The following MTUS2 variants were observed in gnomAD, a reference collection of about 807,000 sequenced individuals.
The protein encoded by MTUS2 is microtubule associated scaffold protein 2, also known as microtubule-associated tumor suppressor candidate 2.
In MTUS2, 40 loss-of-function variants were observed where a neutral mutation model predicts 114.1. The ratio of observed to expected loss-of-function variants is 0.35; its 90% CI spans 0.27 to 0.46. The LOEUF is 0.46. MTUS2 is among the 20% of genes least tolerant of loss of function. The pLI is 1.00. For synonymous variants in MTUS2, 688 were observed against 672.0 expected (o/e 1.02, Z -0.37); for missense variants, 1,679 against 1,705.4 (o/e 0.98, Z 0.27).
intron 5 of MTUS2, among the ~76,000 whole-genome samples, chr13:29,247,409 G>A (rs958365589): frequency 2.0e-5 from 3 of 152,088 alleles, no homozygotes; most frequent in Non-Finnish European, 4.4e-5. Flanking sequence ...ATAAATAGAT[G>A]GGACTTAAAA....
In MTUS2 at chr13:29,202,518, A is replaced by C. The variant is rs745739935; in HGVS notation, c.2645-79186A>C. Among the ~76,000 whole-genome samples, 96 of 152,202 alleles carry C rather than the reference A, an allele frequency of 6.3e-4. 1 individual carries two copies. The Middle Eastern group carries it at 0.01, about 16-fold the overall frequency. The stretch of plus-strand genomic sequence containing the variant: ...GAAGCCTCCTTCTGTTGGTTTGTCA[A>C]ACTCGTTCTCCATCCAGTTTTGTTC... On this transcript the variant is annotated intron_variant, in intron 5 of 15. Transcript: ENST00000612955.
chr13:29,137,736 C>T (rs1236067268), intron 5 of MTUS2, among the ~76,000 whole-genome samples: 1 of 151,802 alleles, frequency 6.6e-6, no homozygotes, highest in Admixed American at 6.6e-5. Context: ...CCTGTCTCAG[C>T]CTCCCAGGTA....
chr13:29,222,169 T>C (rs1011053221), intron 5 of MTUS2, among the ~76,000 whole-genome samples: 1 of 152,244 alleles, frequency 6.6e-6, no homozygotes, highest in Admixed American at 6.5e-5. Flanking sequence ...TTTATTTAAG[T>C]TTGTCTTTGC....
At chr13:28,992,810 T>C (rs1401051737) in intron 2 of MTUS2, among the ~76,000 whole-genome samples, 1 of 152,198 alleles carries the variant, frequency 6.6e-6, no homozygotes, top group Non-Finnish European at 1.5e-5. Flanking sequence ...ATTAACTACA[T>C]TGAACCATCA....
intron 8 of MTUS2, among the ~76,000 whole-genome samples, chr13:29,399,052 A>G (rs1874128285): frequency 6.6e-6 from 1 of 152,222 alleles, no homozygotes; most frequent in South Asian, 2.1e-4. Flanking sequence ...TGGCTGCTCC[A>G]CAGACAGAGC....
intron 2 of MTUS2, among the ~76,000 whole-genome samples, chr13:28,984,417 G>T (rs1411053746): frequency 6.6e-6 from 1 of 152,066 alleles, no homozygotes; most frequent in African/African-American, 2.4e-5. Flanking sequence ...TCTGCATCTG[G>T]TTTTGATGAG....
intron 5 of MTUS2, among the ~76,000 whole-genome samples, chr13:29,198,419 A>G (rs1894793097): frequency 6.6e-6 from 1 of 152,012 alleles, no homozygotes; most frequent in Admixed American, 6.6e-5. Flanking sequence ...GTTCTGTTCC[A>G]TTGGTCTATA....
intron 5 of MTUS2, among the ~76,000 whole-genome samples, chr13:29,168,991 A>C (rs1251829930): frequency 6.6e-6 from 1 of 151,428 alleles, no homozygotes; most frequent in Non-Finnish European, 1.5e-5. Context: ...TTCACAGCTG[A>C]ATCAGATGTT....
chr13:29,259,584 T>G (rs1333883144), intron 5 of MTUS2, among the ~76,000 whole-genome samples: 1 of 152,238 alleles, frequency 6.6e-6, no homozygotes, highest in African/African-American at 2.4e-5. Flanking sequence ...TTAGCCTGTT[T>G]ATGATAATTG....
At chr13:29,316,811 G>T (rs1309027921) in intron 6 of MTUS2, among the ~76,000 whole-genome samples, 1 of 152,170 alleles carries the variant, frequency 6.6e-6, no homozygotes, top group Non-Finnish European at 1.5e-5. Flanking sequence ...GTCAGGTGAG[G>T]TAACATACAC....
chr13:29,368,591 C>A (rs957557703), intron 8 of MTUS2, among the ~76,000 whole-genome samples: 6 of 152,230 alleles, frequency 3.9e-5, no homozygotes, highest in African/African-American at 1.4e-4. Context: ...ATCAAAATAT[C>A]AGATACACCC....
chr13:29,120,053 T>G (rs929027624), intron 5 of MTUS2, among the ~76,000 whole-genome samples: 31 of 152,144 alleles, frequency 2.0e-4, no homozygotes, highest in African/African-American at 7.2e-4. Flanking sequence ...TATGATAAAT[T>G]TTTTGCCATT....
intron 4 of MTUS2, among the ~76,000 whole-genome samples, chr13:29,058,739 G>C (rs1291746382): frequency 1.5e-5 from 2 of 136,058 alleles, no homozygotes; most frequent in African/African-American, 5.8e-5. Flanking sequence ...ACAGGCCCTG[G>C]TATGTGATGT....
At chr13:29,054,756 C>G (rs1206430638) in intron 4 of MTUS2, among the ~76,000 whole-genome samples, 1 of 151,950 alleles carries the variant, frequency 6.6e-6, no homozygotes, top group Non-Finnish European at 1.5e-5. Context: ...TCTAGGTACA[C>G]CTTATGGATC....
intron 1 of MTUS2, among the ~76,000 whole-genome samples, chr13:28,826,228 A>T (rs1874259214): frequency 6.6e-6 from 1 of 152,234 alleles, no homozygotes; most frequent in Non-Finnish European, 1.5e-5. Context: ...ATAGATGGTC[A>T]TATCATCTGC....
Position 28,998,906 on chromosome 13 carries a change from C to G in MTUS2, c.-242-25551C>G, listed in dbSNP as rs550541445. 3.3e-5 allele frequency among the ~76,000 whole-genome samples: 5 copies of G among 152,338 alleles called. No individual in the cohort carries two copies. The East Asian group carries it at 7.7e-4, about 24-fold the overall frequency. On this transcript the variant is annotated intron_variant, in intron 2 of 15. Coordinates refer to ENST00000612955, the MANE Select transcript of MTUS2 (RefSeq NM_001033602.4). The stretch of plus-strand genomic sequence containing the variant: ...TCTCTGAACTTGTCAAAGTCATTCT[C>G]TATCCAGCTTTGTTTTTTGCTGGTG...
At chr13:29,058,811 G>A (rs965474170) in intron 4 of MTUS2, among the ~76,000 whole-genome samples, 1 of 150,470 alleles carries the variant, frequency 6.6e-6, no homozygotes, top group East Asian at 2.0e-4. Flanking sequence ...AGAACATGCG[G>A]TGTTTGGTTT....
chr13:29,012,237 T>G (rs185036429), intron 2 of MTUS2, among the ~76,000 whole-genome samples: 1 of 151,968 alleles, frequency 6.6e-6, no homozygotes, highest in East Asian at 1.9e-4. Context: ...TGGTGGAGAG[T>G]GGCCTAGCAG....
At chr13:29,101,120 A>C in intron 5 of MTUS2, 150 bp downstream of exon 5, 1 of 896,212 alleles carries the variant, frequency 1.1e-6, no homozygotes, top group Non-Finnish European at 1.6e-6. Flanking sequence ...TACTGAAGAA[A>C]AATAGCCCAT....
Sources: allele counts gnomAD v4.1 joint callset (sites outside exome capture counted in the v4.1 genomes callset), GRCh38; gene constraint gnomAD v4.1.1; transcripts MANE v1.5; gene names NCBI Gene and HGNC (gene_info 2026-07-23, HGNC 2026-07-21).